The following ASB13 variants were observed in gnomAD, a reference collection of about 807,000 sequenced individuals.
ASB13 encodes the protein ankyrin repeat and SOCS box protein 13.
ASB13 carries 33 observed loss-of-function variants against 28.8 expected under a neutral mutation model. The ratio of observed to expected loss-of-function variants is 1.15; its 90% CI spans 0.87 to 1.53. The LOEUF (loss-of-function observed/expected upper bound fraction) is 1.53, where lower values mean the gene tolerates loss of function less well. ASB13 is among the 40% of genes most tolerant of loss of function. The probability of loss-of-function intolerance (pLI) is 0.00; values close to 1 mark genes in which losing one functional copy is unlikely to be tolerated. For missense variants in ASB13, 414 were observed against 390.1 expected (o/e 1.06, Z -0.52); for synonymous variants, 182 against 172.9 (o/e 1.05, Z -0.41).
At chr10:5,648,577 CCCACGCAGGCAAACA>C (rs1834928695) in intron 4 of ASB13, among the ~76,000 whole-genome samples, 1 of 149,908 alleles carries the variant, frequency 6.7e-6, no homozygotes, top group East Asian at 2.0e-4. Context: ...CAGGCAAACA[CCCACGCAGGCAAACA>C]CCCCCTCGGG....
intron 1 of ASB13, among the ~76,000 whole-genome samples, chr10:5,653,435 C>T (rs372555554): frequency 1.3e-5 from 2 of 152,218 alleles, no homozygotes; most frequent in East Asian, 1.9e-4. Context: ...TTACATCCTC[C>T]AGGTGGGCCC....
chr10:5,646,795 C>G (rs879751184), intron 4 of ASB13, among the ~76,000 whole-genome samples: 1 of 152,066 alleles, frequency 6.6e-6, no homozygotes, highest in African/African-American at 2.4e-5. Context: ...CCAAACAGAA[C>G]GAAGGTAAAA....
At position 5,664,410 on chromosome 10, in the gene ASB13, C is replaced by T. The variant is rs1466848747; in HGVS notation, c.43+2099G>A. Reference sequence around the variant, plus strand: ...TTAGGCATGGAGAACACCGAACCCACAGGTAAACAAAAAGAACACCCGCCA... The same window carrying T: ...TTAGGCATGGAGAACACCGAACCCATAGGTAAACAAAAAGAACACCCGCCA... On this transcript the variant is annotated intron_variant, in intron 1 of 5. Transcript: ENST00000357700. The surrounding 1 kb of genome is among the most constrained non-coding windows in gnomAD (Gnocchi z 4.2). Among the ~76,000 whole-genome samples, 2 of 152,088 alleles carry T rather than the reference C, an allele frequency of 1.3e-5. No individual in the cohort carries two copies. Among genetic ancestry groups the T allele is most frequent in the African/African-American group, 4.8e-5 (2 of 41,374 alleles).
chr10:5,657,880 G>C (rs1835097674), intron 1 of ASB13, among the ~76,000 whole-genome samples: 1 of 152,214 alleles, frequency 6.6e-6, no homozygotes, highest in Admixed American at 6.5e-5. Context: ...AGGCACGCTG[G>C]CTCACACCTG....
rs1834773895 is a variant in ASB13 at position 5,639,547 on chromosome 10, G to A, written c.*1156C>T. The A allele has an allele frequency of 6.6e-6, 1 of 152,236 alleles. No individual in the cohort carries two copies. Among genetic ancestry groups the A allele is most frequent in the Non-Finnish European group, 1.5e-5 (1 of 68,100 alleles). The allele number at this position is 152,236 out of a possible 1,614,324, so 9.4% of individuals were successfully genotyped here. Reference sequence around the variant, plus strand: ...AAATTTATGAAGGCAAAGACTCCTAGGCCGGCCCATGCAGTCTGAATACGC... The same window carrying A: ...AAATTTATGAAGGCAAAGACTCCTAAGCCGGCCCATGCAGTCTGAATACGC... On this transcript the variant is annotated 3_prime_UTR_variant, in exon 6 of 6. Transcript: ENST00000357700.
rs1835217371 is a variant in ASB13, at chr10:5,664,133, C to T, written c.43+2376G>A. Among the ~76,000 whole-genome samples the T allele has an allele frequency of 6.6e-6, 1 of 152,086 alleles. No homozygotes were observed. The highest frequency in any genetic ancestry group is 2.1e-4 in the South Asian group (1 of 4,832). On this transcript the variant is annotated intron_variant, in intron 1 of 5. Coordinates refer to ENST00000357700, the MANE Select transcript of ASB13 (RefSeq NM_024701.4). This position sits in a 1 kb window ranked among gnomAD's most constrained non-coding sequence, Gnocchi z 4.2. ...CGGGCTTGGCACCCGGGGTTGGGAC[C>T]AGCAAAGAGCAGGGAATCTGAACTA...
intron 4 of ASB13, among the ~76,000 whole-genome samples, chr10:5,643,402 G>A (rs987693653): frequency 1.3e-5 from 2 of 152,146 alleles, no homozygotes; most frequent in African/African-American, 4.8e-5. Flanking sequence ...AACAGCATTC[G>A]TGGAGGGATC....
In ASB13 at chr10:5,656,761, C is replaced by T. The variant is rs1452210373; in HGVS notation, c.44-3711G>A. Among the ~76,000 whole-genome samples, 1 of 152,200 alleles carries T rather than the reference C, an allele frequency of 6.6e-6. No homozygotes were observed. Among genetic ancestry groups the T allele is most frequent in the African/African-American group, 2.4e-5 (1 of 41,434 alleles). On this transcript the variant is annotated intron_variant, in intron 1 of 5. Transcript: ENST00000357700. This position sits in a 1 kb window ranked among gnomAD's most constrained non-coding sequence, Gnocchi z 4.3. Reference sequence around the variant, plus strand: ...TTAAAGATTTATAGGAGCACTGCGACCTGATCAAGGACAAAGATGTTCCCA... The same window carrying T: ...TTAAAGATTTATAGGAGCACTGCGATCTGATCAAGGACAAAGATGTTCCCA...
Position 5,655,034 on chromosome 10 carries a change from G to A in ASB13, c.44-1984C>T, listed in dbSNP as rs952271966. Among the ~76,000 whole-genome samples the A allele has an allele frequency of 7.9e-5, 12 of 151,998 alleles. No individual in the cohort carries two copies. Among genetic ancestry groups the A allele is most frequent in the Admixed American group, 3.9e-4 (6 of 15,250 alleles). On this transcript the variant is annotated intron_variant, in intron 1 of 5. Coordinates refer to ENST00000357700, the MANE Select transcript of ASB13 (RefSeq NM_024701.4). The surrounding 1 kb of genome is among the most constrained non-coding windows in gnomAD (Gnocchi z 6.2). ...GGAGAATCACTTGAACCCGGGAGGCGGAGGTTGCAGCGAGCCCAGATCACG... is the reference window on the plus strand; with the variant it reads ...GGAGAATCACTTGAACCCGGGAGGCAGAGGTTGCAGCGAGCCCAGATCACG...
Position 5,651,220 on chromosome 10 carries a change from G to A in ASB13, c.375C>T (p.Cys125=). The A allele has an allele frequency of 1.9e-6, 3 of 1,607,120 alleles. No homozygotes were observed. The highest frequency in any genetic ancestry group is 2.5e-6 in the Non-Finnish European group (3 of 1,176,556). The change falls in exon 3 of 6, where the codon TGC becomes TGT. Residue 125 remains cysteine, a synonymous_variant. Coordinates refer to ENST00000357700, the MANE Select transcript of ASB13 (RefSeq NM_024701.4). The surrounding 1 kb of genome is among the most constrained non-coding windows in gnomAD (Gnocchi z 5.1). ...LYTASPLHEA[C]MSGSSECVRL... is the part of the protein sequence containing the mutation. ...AGCCGTCTGCCAACTCACCGCTCAT[G>A]CAGGCCTCGTGCAGGGGGGACGCTG...
Position 5,663,962 on chromosome 10 carries a change from A to G in ASB13, c.43+2547T>C, listed in dbSNP as rs1835214286. 6.6e-6 allele frequency among the ~76,000 whole-genome samples: 1 copy of G among 152,188 alleles called. No individual in the cohort carries two copies. The highest frequency in any genetic ancestry group is 6.5e-5 in the Admixed American group (1 of 15,280). Reference sequence around the variant, plus strand: ...GGAGGATCTTCTCTGCCCCTCAGCAAAGATCTCACTCAACTGAGAGTACCT... The same window carrying G: ...GGAGGATCTTCTCTGCCCCTCAGCAGAGATCTCACTCAACTGAGAGTACCT... On this transcript the variant is annotated intron_variant, in intron 1 of 5. Transcript: ENST00000357700. The surrounding 1 kb of genome is among the most constrained non-coding windows in gnomAD (Gnocchi z 4.9).
chr10:5,656,466 G>A lies in ASB13; in HGVS notation c.44-3416C>T, dbSNP rs1241606640. Reference sequence around the variant, plus strand: ...AGGCAGCAGAATCGCTTGAACCCAGGAGGCGGAGATTGCAGTGAGCTGAGA... The same window carrying A: ...AGGCAGCAGAATCGCTTGAACCCAGAAGGCGGAGATTGCAGTGAGCTGAGA... On this transcript the variant is annotated intron_variant, in intron 1 of 5. Coordinates refer to ENST00000357700, the MANE Select transcript of ASB13 (RefSeq NM_024701.4). This position sits in a 1 kb window ranked among gnomAD's most constrained non-coding sequence, Gnocchi z 4.3. Among the ~76,000 whole-genome samples, 2 of 151,934 alleles carry A rather than the reference G, an allele frequency of 1.3e-5. No individual in the cohort carries two copies. Among genetic ancestry groups the A allele is most frequent in the Non-Finnish European group, 2.9e-5 (2 of 68,036 alleles).
Position 5,641,712 on chromosome 10 carries a change from G to A in ASB13, c.709+58C>T, listed in dbSNP as rs111714259. The A allele has an allele frequency of 7.6e-5, 115 of 1,506,462 alleles. No homozygotes were observed. In the African/African-American group the frequency reaches 1.0e-3, roughly 13 times the overall value. 93.3% of individuals were successfully genotyped at this position (1,506,462 alleles called of 1,614,324 possible). Reference sequence around the variant, plus strand: ...GCGGAAGCCCACAGGGAGCCGGCACGTCAGGGGTCCAGGCTGAAGGCTGGA... The same window carrying A: ...GCGGAAGCCCACAGGGAGCCGGCACATCAGGGGTCCAGGCTGAAGGCTGGA... On this transcript the variant is annotated intron_variant, in intron 5 of 5. Coordinates refer to ENST00000357700, the MANE Select transcript of ASB13 (RefSeq NM_024701.4). This position sits in a 1 kb window ranked among gnomAD's most constrained non-coding sequence, Gnocchi z 8.4.
rs1277389073 is a variant in ASB13 at position 5,656,455 on chromosome 10, C to T, written c.44-3405G>A. ...TCAGGAGGCGGAGGCAGCAGAATCGCTTGAACCCAGGAGGCGGAGATTGCA... is the reference window on the plus strand; with the variant it reads ...TCAGGAGGCGGAGGCAGCAGAATCGTTTGAACCCAGGAGGCGGAGATTGCA... On this transcript the variant is annotated intron_variant, in intron 1 of 5. Coordinates refer to ENST00000357700, the MANE Select transcript of ASB13 (RefSeq NM_024701.4). This position sits in a 1 kb window ranked among gnomAD's most constrained non-coding sequence, Gnocchi z 4.3. Among the ~76,000 whole-genome samples, 1 of 151,826 alleles carries T rather than the reference C, an allele frequency of 6.6e-6. No individual in the cohort carries two copies. Among genetic ancestry groups the T allele is most frequent in the Non-Finnish European group, 1.5e-5 (1 of 68,012 alleles).
Position 5,658,547 on chromosome 10 carries a change from G to A in ASB13, c.44-5497C>T, listed in dbSNP as rs1173182212. 6.6e-6 allele frequency among the ~76,000 whole-genome samples: 1 copy of A among 152,192 alleles called. No individual in the cohort carries two copies. The highest frequency in any genetic ancestry group is 1.9e-4 in the East Asian group (1 of 5,196). On this transcript the variant is annotated intron_variant, in intron 1 of 5. Transcript: ENST00000357700. This position sits in a 1 kb window ranked among gnomAD's most constrained non-coding sequence, Gnocchi z 4.2. ...ATGGAAAGTAGAAAGGTAGTTGCCA[G>A]GGGCTTGGGGGAGGAGAAATGGGGA...
chr10:5,653,832 C>T (rs1301704038), intron 1 of ASB13, among the ~76,000 whole-genome samples: 2 of 152,158 alleles, frequency 1.3e-5, no homozygotes, highest in Admixed American at 6.5e-5. Context: ...CGGGCACACA[C>T]CATCACACCC....
rs1308551371 is a variant in ASB13, at chr10:5,666,565, G to A, written c.-14C>T. The A allele has an allele frequency of 7.8e-6, 9 of 1,155,496 alleles. No homozygotes were observed. The highest frequency in any genetic ancestry group is 9.5e-5 in the Admixed American group (2 of 21,018). 71.6% of individuals were successfully genotyped at this position (1,155,496 alleles called of 1,614,324 possible). A position where few individuals can be genotyped will look rare whatever the true frequency, so the allele number is the denominator to read the frequency against. On this transcript the variant is annotated 5_prime_UTR_variant, in exon 1 of 6. Coordinates refer to ENST00000357700, the MANE Select transcript of ASB13 (RefSeq NM_024701.4). Reference sequence around the variant, plus strand: ...CCGGGGCTCCATGCGGCTCACCGGCGGCCGCGCGGCGACTCTGGGCGCCGG... The same window carrying A: ...CCGGGGCTCCATGCGGCTCACCGGCAGCCGCGCGGCGACTCTGGGCGCCGG...
Position 5,655,664 on chromosome 10 carries a change from C to T in ASB13, c.44-2614G>A, listed in dbSNP as rs189337266. On this transcript the variant is annotated intron_variant, in intron 1 of 5. Coordinates refer to ENST00000357700, the MANE Select transcript of ASB13 (RefSeq NM_024701.4). This position sits in a 1 kb window ranked among gnomAD's most constrained non-coding sequence, Gnocchi z 6.2. ...ACCGTCTCCAGGTGGCCCTCAGCCC[C>T]ACCAGTAGTAATGAACAGTAACCCA... Among the ~76,000 whole-genome samples, 228 of 152,282 alleles carry T rather than the reference C, an allele frequency of 1.5e-3. 1 individual carries two copies. The highest frequency in any genetic ancestry group is 0.014 in the Middle Eastern group (4 of 294).
rs1834816609 is a variant in ASB13 at position 5,642,083 on chromosome 10, C to A, written c.518-122G>T. On this transcript the variant is annotated intron_variant, in intron 4 of 5. Coordinates refer to ENST00000357700, the MANE Select transcript of ASB13 (RefSeq NM_024701.4). The surrounding 1 kb of genome is among the most constrained non-coding windows in gnomAD (Gnocchi z 4.1). ...GCAATCCCCACCCAGAAGACAAAAT[C>A]AGGACAGACTCTACCGTAGCTTTCA... The A allele has an allele frequency of 8.7e-6, 8 of 915,406 alleles. No homozygotes were observed. Among genetic ancestry groups the A allele is most frequent in the Non-Finnish European group, 1.3e-5 (8 of 601,178 alleles). 56.7% of individuals were successfully genotyped at this position (915,406 alleles called of 1,614,324 possible). A position where few individuals can be genotyped will look rare whatever the true frequency, so the allele number is the denominator to read the frequency against.
Sources: gnomAD v4.1 joint callset for allele counts (sites outside exome capture counted in the v4.1 genomes callset) on GRCh38, gnomAD v4.1.1 for gene constraint, Gnocchi (gnomAD v3.1) non-coding constraint, MANE v1.5 for transcripts, NCBI Gene and HGNC (gene_info 2026-07-23, HGNC 2026-07-21) for gene names.